CDKL3: variants seen among roughly 807,000 people sequenced by gnomAD.
CDKL3 encodes cyclin-dependent kinase-like 3.
In CDKL3, 65 loss-of-function variants were observed where a neutral mutation model predicts 69.3. The ratio of observed to expected loss-of-function variants is 0.94; its 90% CI spans 0.77 to 1.15. The LOEUF is 1.15. CDKL3 is among the 50% of genes most tolerant of loss of function. CDKL3 has a pLI of 0.00. For synonymous variants in CDKL3, 202 were observed against 221.6 expected (o/e 0.91, Z 0.79); for missense variants, 652 against 689.2 (o/e 0.95, Z 0.61).
At chr5:134,367,785 C>CA (rs1323870462), upstream of CDKL3, among the ~76,000 whole-genome samples, 2 of 152,202 alleles carry the variant, frequency 1.3e-5, no homozygotes, top group Non-Finnish European at 2.9e-5. Context: ...CACCACATGT[C>CA]AAACTCTAGG....
At chr5:134,344,832 G>C (rs1751421224) in intron 4 of CDKL3, among the ~76,000 whole-genome samples, 1 of 152,126 alleles carries the variant, frequency 6.6e-6, no homozygotes, top group Non-Finnish European at 1.5e-5. Context: ...GGGAGGCCGA[G>C]GCAGGTCGAT....
intron 4 of CDKL3, among the ~76,000 whole-genome samples, chr5:134,342,602 A>AG (rs1186601117): frequency 6.6e-6 from 1 of 151,750 alleles, no homozygotes; most frequent in East Asian, 1.9e-4. Flanking sequence ...TCTGTCTCAA[A>AG]AAAAAAAAAG....
chr5:134,363,782 C>T (rs1410468078), intron 2 of CDKL3, among the ~76,000 whole-genome samples: 1 of 151,810 alleles, frequency 6.6e-6, no homozygotes, highest in Non-Finnish European at 1.5e-5. Context: ...TAATAATCCA[C>T]AGATGCCTAA....
intron 11 of CDKL3, among the ~76,000 whole-genome samples, chr5:134,303,772 C>T (rs1024170659): frequency 2.0e-5 from 3 of 151,930 alleles, no homozygotes; most frequent in African/African-American, 7.3e-5. Context: ...TCACTTGAAC[C>T]TGGGAGGTGG....
intron 8 of CDKL3, among the ~76,000 whole-genome samples, chr5:134,292,329 C>A (rs1463515996): frequency 6.6e-6 from 1 of 151,930 alleles, no homozygotes; most frequent in Non-Finnish European, 1.5e-5. Context: ...ATTTGGAACA[C>A]CTCCAAATAG....
chr5:134,303,178 G>A (rs150508156), intron 11 of CDKL3, among the ~76,000 whole-genome samples: 2,340 of 151,350 alleles, frequency 0.015, 29 homozygotes, highest in Non-Finnish European at 0.023. Context: ...TGCAACCTCC[G>A]CCTCCCGGTT....
intron 4 of CDKL3, among the ~76,000 whole-genome samples, chr5:134,339,523 A>C (rs1344081112): frequency 6.6e-6 from 1 of 152,216 alleles, no homozygotes; most frequent in Non-Finnish European, 1.5e-5. Context: ...CCAATTAGAA[A>C]ATCAAGAAGA....
chr5:134,344,541 A>C (rs1232384156), intron 4 of CDKL3, among the ~76,000 whole-genome samples: 2 of 152,186 alleles, frequency 1.3e-5, no homozygotes, highest in Non-Finnish European at 2.9e-5. Flanking sequence ...ACGCACACAC[A>C]AAAAGACATT....
At chr5:134,366,187 AACACATATATCTTG>A (rs1409168872) in intron 2 of CDKL3, among the ~76,000 whole-genome samples, 158 bp downstream of exon 2, 1 of 152,222 alleles carries the variant, frequency 6.6e-6, no homozygotes, top group African/African-American at 2.4e-5. Context: ...CATACCCCAA[AACACATATATCTTG>A]TATCACTATA....
intron 4 of CDKL3, among the ~76,000 whole-genome samples, chr5:134,345,885 G>A (rs59171864): frequency 0.15 from 23,568 of 152,102 alleles, 2,355 homozygotes; most frequent in African/African-American, 0.28. Context: ...TTGAACTTCA[G>A]TAATAATAAC....
intron 8 of CDKL3, among the ~76,000 whole-genome samples, chr5:134,290,005 C>G (rs1369172659): frequency 6.6e-6 from 1 of 151,866 alleles, no homozygotes; most frequent in Non-Finnish European, 1.5e-5. Context: ...TAATGTGTGC[C>G]AATATATGTT....
chr5:134,298,511 T>C lies in CDKL3; in HGVS notation c.*140A>G. 7.0e-7 allele frequency: 1 copy of C among 1,435,576 alleles called. No individual in the cohort carries two copies. Among genetic ancestry groups the C allele is most frequent in the Non-Finnish European group, 9.1e-7 (1 of 1,099,214 alleles). The allele number at this position is 1,435,576 out of a possible 1,614,324, so 88.9% of individuals were successfully genotyped here. On this transcript the variant is annotated 3_prime_UTR_variant, in exon 13 of 13. Transcript: ENST00000265334. The stretch of plus-strand genomic sequence containing the variant: ...AGGGAAAAGAAAACAGTAAATGTTT[T>C]GCTAACAAAAAAAGCTGGATGATGC...
intron 7 of CDKL3, among the ~76,000 whole-genome samples, chr5:134,309,783 T>C (rs1184820999): frequency 6.6e-6 from 1 of 152,138 alleles, no homozygotes; most frequent in Non-Finnish European, 1.5e-5. Flanking sequence ...CCAAGAAAAA[T>C]AAACTTCGTC....
At chr5:134,304,829 A>C (rs1185952938) in intron 10 of CDKL3, among the ~76,000 whole-genome samples, 1 of 147,320 alleles carries the variant, frequency 6.8e-6, no homozygotes, top group Non-Finnish European at 1.5e-5. Flanking sequence ...AATAATAATA[A>C]TAATATTATT....
chr5:134,352,108 A>G (rs1350361815), intron 3 of CDKL3, among the ~76,000 whole-genome samples: 3 of 151,984 alleles, frequency 2.0e-5, no homozygotes, highest in Non-Finnish European at 4.4e-5. Flanking sequence ...TTGCACTTTT[A>G]TAGATTCTGT....
At chr5:134,349,636 C>T (rs973416636) in intron 4 of CDKL3, among the ~76,000 whole-genome samples, 4 of 152,114 alleles carry the variant, frequency 2.6e-5, no homozygotes, top group Non-Finnish European at 2.9e-5. Context: ...GGAACTCTGC[C>T]GAGGGCATGG....
upstream of CDKL3, among the ~76,000 whole-genome samples, chr5:134,368,645 A>C (rs1422973128): frequency 6.7e-6 from 1 of 149,590 alleles, no homozygotes; most frequent in East Asian, 2.0e-4. Context: ...AAAAAAAGAA[A>C]GTTATTCAAC....
intron 3 of CDKL3, among the ~76,000 whole-genome samples, chr5:134,352,672 C>A (rs777492758): frequency 6.6e-6 from 1 of 152,088 alleles, no homozygotes; most frequent in Non-Finnish European, 1.5e-5. Context: ...TGGTCTTGAA[C>A]TCCTGGACTC....
At chr5:134,318,879 T>C (rs1561542554) in intron 6 of CDKL3, among the ~76,000 whole-genome samples, 1 of 152,188 alleles carries the variant, frequency 6.6e-6, no homozygotes, top group Non-Finnish European at 1.5e-5. Context: ...TCTGACAGTC[T>C]ATGAATTTTA....
Sources: allele counts gnomAD v4.1 joint callset (sites outside exome capture counted in the v4.1 genomes callset), GRCh38; gene constraint gnomAD v4.1.1; transcripts MANE v1.5; gene names NCBI Gene and HGNC (gene_info 2026-07-23, HGNC 2026-07-21).